MICU1: variants seen among roughly 807,000 people sequenced by gnomAD.
MICU1 encodes the protein calcium uptake protein 1, mitochondrial.
A neutral mutation model predicts 56.8 loss-of-function variants in MICU1; 45 were observed. That is an observed-to-expected ratio of 0.79 (90% CI 0.62 to 1.02). The LOEUF (loss-of-function observed/expected upper bound fraction) is 1.02, where lower values mean the gene tolerates loss of function less well. Among genes scored for constraint, MICU1 ranks in the 50% least tolerant of loss-of-function variants. MICU1 has a pLI of 0.00. For synonymous variants in MICU1, 186 were observed against 195.1 expected (o/e 0.95, Z 0.39); for missense variants, 504 against 587.1 (o/e 0.86, Z 1.46).
intron 1 of MICU1, among the ~76,000 whole-genome samples, chr10:72,621,089 A>C (rs1426326890): frequency 1.3e-5 from 2 of 152,204 alleles, no homozygotes; most frequent in African/African-American, 4.8e-5. Flanking sequence ...ATGATGAACC[A>C]CCAGAATAAG....
chr10:72,595,132 G>A (rs1249815203), intron 1 of MICU1, among the ~76,000 whole-genome samples: 1 of 151,800 alleles, frequency 6.6e-6, no homozygotes, highest in African/African-American at 2.4e-5. Flanking sequence ...GACCTAGTGG[G>A]AGAAATGATC....
chr10:72,519,259 T>C (rs1329767360), intron 5 of MICU1, among the ~76,000 whole-genome samples: 1 of 152,236 alleles, frequency 6.6e-6, no homozygotes, highest in Admixed American at 6.5e-5. Flanking sequence ...TACTATTCAC[T>C]GATATGACCT....
intron 8 of MICU1, 26 bp downstream of exon 8, chr10:72,475,074 A>T: frequency 6.3e-7 from 1 of 1,588,026 alleles, no homozygotes; most frequent in Non-Finnish European, 8.6e-7. Context: ...CATGTGATGG[A>T]TCTACTGAGT....
intron 8 of MICU1, among the ~76,000 whole-genome samples, chr10:72,473,703 G>C (rs948159215): frequency 2.6e-5 from 4 of 152,126 alleles, no homozygotes; most frequent in Non-Finnish European, 5.9e-5. Context: ...ACAGAAAGTG[G>C]CTCTAGGGGG....
intron 1 of MICU1, among the ~76,000 whole-genome samples, chr10:72,574,434 G>A (rs531616342): frequency 3.9e-5 from 6 of 152,100 alleles, no homozygotes; most frequent in Non-Finnish European, 7.4e-5. Flanking sequence ...CAGGAGAATC[G>A]CTTGAACCCA....
intron 1 of MICU1, among the ~76,000 whole-genome samples, chr10:72,588,145 T>C (rs1263388439): frequency 6.6e-6 from 1 of 152,100 alleles, no homozygotes; most frequent in Non-Finnish European, 1.5e-5. Context: ...TGTTTAAAAG[T>C]GTGTAGTACT....
At chr10:72,510,909 G>A (rs1163582931) in intron 5 of MICU1, among the ~76,000 whole-genome samples, 7 of 152,220 alleles carry the variant, frequency 4.6e-5, no homozygotes, top group Non-Finnish European at 1.0e-4. Flanking sequence ...TGGGATTACA[G>A]ATGTAAGCCA....
chr10:72,602,450 C>CA (rs879353419), intron 1 of MICU1, among the ~76,000 whole-genome samples: 142 of 135,308 alleles, frequency 1.0e-3, no homozygotes, highest in South Asian at 4.6e-3. Flanking sequence ...GATTCTGTCT[C>CA]AAAAAAAAAA....
intron 10 of MICU1, among the ~76,000 whole-genome samples, chr10:72,397,279 G>A (rs557273129): frequency 1.3e-5 from 2 of 152,280 alleles, no homozygotes; most frequent in South Asian, 4.1e-4. Context: ...GCTCCTGAAG[G>A]AAGCACTAAA....
chr10:72,624,702 G>A (rs1842187344), intron 1 of MICU1, among the ~76,000 whole-genome samples: 1 of 152,144 alleles, frequency 6.6e-6, no homozygotes, highest in South Asian at 2.1e-4. Flanking sequence ...ATGGCTCTCA[G>A]TAAGGACACT....
chr10:72,526,014 A>C (rs1867952501), intron 5 of MICU1, among the ~76,000 whole-genome samples: 1 of 152,188 alleles, frequency 6.6e-6, no homozygotes, highest in Non-Finnish European at 1.5e-5. Flanking sequence ...CACAGCTGCC[A>C]AACAGAGTAC....
chr10:72,611,968 C>A (rs1002345639), intron 1 of MICU1, among the ~76,000 whole-genome samples: 9 of 146,138 alleles, frequency 6.2e-5, no homozygotes, highest in African/African-American at 1.8e-4. Flanking sequence ...GCACTCCTGC[C>A]TGAGCAACAC....
rs771203688 is a variant in MICU1, at chr10:72,375,878, AAAAG to A, written c.1181-10_1181-7del. 3.1e-6 allele frequency: 5 copies of A among 1,612,210 alleles called. No homozygotes were observed. Among genetic ancestry groups the A allele is most frequent in the Non-Finnish European group, 3.4e-6 (4 of 1,179,136 alleles). On this transcript the variant is annotated splice_region_variant and splice_polypyrimidine_tract_variant and intron_variant, in intron 10 of 11. Transcript: ENST00000361114. ...GGCCACCTGCTGCATGGTCACTGAAAAAAGAAAGAGGTGCATTAGCACAGCAGAG... is the reference window on the plus strand; with the variant it reads ...GGCCACCTGCTGCATGGTCACTGAAAAAAGAGGTGCATTAGCACAGCAGAG...
At chr10:72,476,429 A>C (rs1272829100) in intron 7 of MICU1, among the ~76,000 whole-genome samples, 1 of 151,762 alleles carries the variant, frequency 6.6e-6, no homozygotes, top group Non-Finnish European at 1.5e-5. Flanking sequence ...GGGTCTCACT[A>C]TGTTGCCCAG....
At chr10:72,465,941 C>A (rs1202755324) in intron 8 of MICU1, among the ~76,000 whole-genome samples, 1 of 152,084 alleles carries the variant, frequency 6.6e-6, no homozygotes, top group African/African-American at 2.4e-5. Context: ...TTTTTTCCTA[C>A]TTCATAATTT....
chr10:72,610,061 C>T (rs944251896), intron 1 of MICU1, among the ~76,000 whole-genome samples: 1 of 151,220 alleles, frequency 6.6e-6, no homozygotes, highest in Non-Finnish European at 1.5e-5. Context: ...AGAAAAAAGA[C>T]CAGCTTGGGC....
intron 1 of MICU1, among the ~76,000 whole-genome samples, chr10:72,568,973 C>T (rs1399589755): frequency 3.3e-5 from 5 of 150,212 alleles, no homozygotes; most frequent in African/African-American, 4.9e-5. Context: ...AGGCTGGTCT[C>T]GAACTCTTGA....
intron 10 of MICU1, among the ~76,000 whole-genome samples, chr10:72,388,557 T>C (rs192395117): frequency 3.3e-5 from 5 of 152,304 alleles, no homozygotes; most frequent in Non-Finnish European, 2.9e-5. Context: ...AACCTATACC[T>C]GAACAGAACA....
chr10:72,527,048 G>A (rs1379103208), intron 5 of MICU1, among the ~76,000 whole-genome samples: 1 of 151,926 alleles, frequency 6.6e-6, no homozygotes, highest in African/African-American at 2.4e-5. Context: ...TTTAAATTCA[G>A]GTATTAAAAT....
Sources: gnomAD v4.1 joint callset for allele counts (sites outside exome capture counted in the v4.1 genomes callset) on GRCh38, gnomAD v4.1.1 for gene constraint, MANE v1.5 for transcripts, NCBI Gene and HGNC (gene_info 2026-07-23, HGNC 2026-07-21) for gene names.